Variants in RPS6KA2 observed in about 807,000 individuals in gnomAD.
RPS6KA2 encodes ribosomal protein S6 kinase A2.
RPS6KA2 carries 42 observed loss-of-function variants against 91.8 expected under a neutral mutation model. That is an observed-to-expected ratio of 0.46 (90% CI 0.36 to 0.59). RPS6KA2 has a LOEUF of 0.59. Among genes scored for constraint, RPS6KA2 ranks in the 20% least tolerant of loss-of-function variants. The pLI, the probability that RPS6KA2 is intolerant of heterozygous loss-of-function variation, is 0.00. For synonymous variants in RPS6KA2, 414 were observed against 393.6 expected (o/e 1.05, Z -0.61); for missense variants, 798 against 978.5 (o/e 0.82, Z 2.46).
chr6:166,647,845 C>T (rs564676078), intron 2 of RPS6KA2, among the ~76,000 whole-genome samples: 1 of 115,818 alleles, frequency 8.6e-6, no homozygotes, highest in South Asian at 2.8e-4. Context: ...CTCACACACG[C>T]ACACGCACAT....
intron 2 of RPS6KA2, among the ~76,000 whole-genome samples, chr6:166,748,609 T>C (rs1186580279): frequency 2.0e-4 from 5 of 24,990 alleles, no homozygotes; most frequent in Non-Finnish European, 2.2e-4. Flanking sequence ...GGCCCCCATT[T>C]CCCTGGGCCC....
At chr6:166,776,830 G>C (rs1212688301) in intron 2 of RPS6KA2, among the ~76,000 whole-genome samples, 1 of 152,202 alleles carries the variant, frequency 6.6e-6, no homozygotes. Flanking sequence ...CATGTGGGCT[G>C]TCTCTTATCT....
chr6:166,554,049 C>A lies in RPS6KA2; in HGVS notation c.100-15265G>T, dbSNP rs1385556745. Reference sequence around the variant, plus strand: ...GGCAGTGGCTGGAAACTGCACCAAACCCTGTGTGTGTATCTGTCTATCTGT... The same window carrying A: ...GGCAGTGGCTGGAAACTGCACCAAAACCTGTGTGTGTATCTGTCTATCTGT... On this transcript the variant is annotated intron_variant, in intron 1 of 20. Transcript: ENST00000265678. This position sits in a 1 kb window ranked among gnomAD's most constrained non-coding sequence, Gnocchi z 4.3. 6.6e-6 allele frequency among the ~76,000 whole-genome samples: 1 copy of A among 152,184 alleles called. No homozygotes were observed. The highest frequency in any genetic ancestry group is 1.9e-4 in the East Asian group (1 of 5,202).
intron 2 of RPS6KA2, among the ~76,000 whole-genome samples, chr6:166,822,742 A>G (rs934698628): frequency 6.6e-6 from 1 of 152,164 alleles, no homozygotes; most frequent in Admixed American, 6.5e-5. Flanking sequence ...GCAAAGGTCT[A>G]TCCCCTAAAG....
Position 166,508,553 on chromosome 6 carries a change from A to G in RPS6KA2, c.380-271T>C, listed in dbSNP as rs411281. 0.91 allele frequency among the ~76,000 whole-genome samples: 139,093 copies of G among 152,088 alleles called. 63,683 individuals are homozygous for G. Among genetic ancestry groups the G allele is most frequent in the African/African-American group, 0.96 (39,660 of 41,498 alleles). Reference sequence around the variant, plus strand: ...TCTCCCCTCCCTCCCTTTTTTAATCACAAAGGAATTGAAAGATACACGGGG... The same window carrying G: ...TCTCCCCTCCCTCCCTTTTTTAATCGCAAAGGAATTGAAAGATACACGGGG... On this transcript the variant is annotated intron_variant, in intron 4 of 20. Transcript: ENST00000265678. The surrounding 1 kb of genome is among the most constrained non-coding windows in gnomAD (Gnocchi z 4.3).
At chr6:166,636,674 A>G (rs963680160) in intron 2 of RPS6KA2, among the ~76,000 whole-genome samples, 2 of 152,176 alleles carry the variant, frequency 1.3e-5, no homozygotes, top group African/African-American at 4.8e-5. Flanking sequence ...TGTGACACAG[A>G]GCCCAGCTCA....
At chr6:166,709,415 C>A (rs1789783444) in intron 2 of RPS6KA2, among the ~76,000 whole-genome samples, 2 of 152,060 alleles carry the variant, frequency 1.3e-5, no homozygotes, top group South Asian at 2.1e-4. Flanking sequence ...ATTGCTGGAA[C>A]CCAGGTGCTG....
intron 17 of RPS6KA2, among the ~76,000 whole-genome samples, chr6:166,422,493 C>T (rs540607052): frequency 3.3e-5 from 5 of 152,184 alleles, no homozygotes; most frequent in Non-Finnish European, 7.3e-5. Flanking sequence ...CTCTGAAGTC[C>T]GCCTTCCTTC....
intron 2 of RPS6KA2, among the ~76,000 whole-genome samples, chr6:166,826,290 G>A (rs1464568887): frequency 3.3e-5 from 5 of 152,166 alleles, no homozygotes; most frequent in Admixed American, 6.5e-5. Flanking sequence ...AGAAAGATAC[G>A]TTTCCCATTG....
At chr6:166,741,058 C>T (rs1790797498) in intron 2 of RPS6KA2, among the ~76,000 whole-genome samples, 1 of 152,206 alleles carries the variant, frequency 6.6e-6, no homozygotes, top group Admixed American at 6.5e-5. Flanking sequence ...GGAGGTAATG[C>T]AGGCGCTCAT....
At chr6:166,588,256 G>A (rs1337557645) in intron 1 of RPS6KA2, among the ~76,000 whole-genome samples, 2 of 152,192 alleles carry the variant, frequency 1.3e-5, no homozygotes, top group Non-Finnish European at 2.9e-5. Context: ...TCAGCAGGTG[G>A]ACAGCAGAAT....
chr6:166,492,024 C>T (rs760353336), intron 8 of RPS6KA2, among the ~76,000 whole-genome samples: 26 of 152,132 alleles, frequency 1.7e-4, no homozygotes, highest in Non-Finnish European at 3.4e-4. Flanking sequence ...GTAAGTACTA[C>T]TGAAATGTGC....
chr6:166,463,936 C>T (rs1428896022), intron 11 of RPS6KA2, among the ~76,000 whole-genome samples: 1 of 152,164 alleles, frequency 6.6e-6, no homozygotes, highest in African/African-American at 2.4e-5. Context: ...GTGGGTCCAA[C>T]AGAAGAAGCA....
At chr6:166,479,459 C>T (rs1294058161) in intron 10 of RPS6KA2, among the ~76,000 whole-genome samples, 2 of 152,214 alleles carry the variant, frequency 1.3e-5, no homozygotes, top group East Asian at 1.9e-4. Flanking sequence ...GAGATGGCAG[C>T]GTGACTCGCC....
intron 2 of RPS6KA2, among the ~76,000 whole-genome samples, chr6:166,777,723 A>G (rs572747543): frequency 4.1e-4 from 63 of 152,384 alleles, no homozygotes; most frequent in African/African-American, 1.4e-3. Flanking sequence ...TCTACAGAGA[A>G]TTTATTAATT....
intron 1 of RPS6KA2, among the ~76,000 whole-genome samples, chr6:166,584,295 C>A (rs1474928525): frequency 7.2e-5 from 11 of 152,200 alleles, no homozygotes; most frequent in Non-Finnish European, 1.5e-4. Context: ...GGACACTACT[C>A]CCATCGAATC....
intron 1 of RPS6KA2, among the ~76,000 whole-genome samples, chr6:166,615,168 G>T (rs1731035544): frequency 6.6e-6 from 1 of 152,174 alleles, no homozygotes; most frequent in Non-Finnish European, 1.5e-5. Context: ...CCTTTTTTCA[G>T]AAGTTCAGTT....
At chr6:166,505,336 C>T (rs902434684) in intron 5 of RPS6KA2, among the ~76,000 whole-genome samples, 4 of 152,114 alleles carry the variant, frequency 2.6e-5, no homozygotes, top group Admixed American at 6.5e-5. Context: ...TCAGGCCAGC[C>T]GAAACATGCA....
intron 2 of RPS6KA2, among the ~76,000 whole-genome samples, chr6:166,782,127 C>T: frequency 6.6e-6 from 1 of 152,128 alleles, no homozygotes; most frequent in East Asian, 1.9e-4. Flanking sequence ...CCTGTTTCTA[C>T]TAAAAATACA....
Sources: gnomAD v4.1 joint callset for allele counts (sites outside exome capture counted in the v4.1 genomes callset) on GRCh38, gnomAD v4.1.1 for gene constraint, Gnocchi (gnomAD v3.1) non-coding constraint, MANE v1.5 for transcripts, NCBI Gene and HGNC (gene_info 2026-07-23, HGNC 2026-07-21) for gene names.